Variants in TMTC2 observed in about 807,000 individuals in gnomAD.
TMTC2 encodes the protein protein O-mannosyl-transferase TMTC2.
TMTC2 carries 43 observed loss-of-function variants against 82.4 expected under a neutral mutation model. The ratio of observed to expected loss-of-function variants is 0.52; its 90% CI spans 0.41 to 0.67. The LOEUF (loss-of-function observed/expected upper bound fraction) is 0.67, where lower values mean the gene tolerates loss of function less well. Among genes scored for constraint, TMTC2 ranks in the 30% least tolerant of loss-of-function variants. The pLI, the probability that TMTC2 is intolerant of heterozygous loss-of-function variation, is 0.00. For synonymous variants in TMTC2, 408 were observed against 381.9 expected (o/e 1.07, Z -0.80); for missense variants, 919 against 1,012.4 (o/e 0.91, Z 1.25).
intron 7 of TMTC2, among the ~76,000 whole-genome samples, chr12:82,982,843 G>C (rs1019644222): frequency 1.3e-5 from 2 of 151,984 alleles, no homozygotes; most frequent in African/African-American, 4.8e-5. Flanking sequence ...GTAGCCCTGA[G>C]TTTAAATTGC....
chr12:82,722,722 A>G (rs1010453057), intron 1 of TMTC2, among the ~76,000 whole-genome samples: 3 of 152,148 alleles, frequency 2.0e-5, no homozygotes, highest in Admixed American at 6.5e-5. Flanking sequence ...GGCCTGGGCA[A>G]TGAAGCAAGA....
intron 7 of TMTC2, among the ~76,000 whole-genome samples, chr12:82,971,082 A>C (rs1374550759): frequency 1.3e-5 from 2 of 152,154 alleles, no homozygotes. Flanking sequence ...GAATCATAGA[A>C]TGTTAAAGAT....
chr12:82,708,067 C>T (rs1480429332), intron 1 of TMTC2, among the ~76,000 whole-genome samples: 2 of 152,086 alleles, frequency 1.3e-5, no homozygotes, highest in African/African-American at 4.8e-5. Context: ...TTAAACCAGC[C>T]ACGCCCATTC....
intron 1 of TMTC2, among the ~76,000 whole-genome samples, chr12:82,712,415 G>A (rs1265245321): frequency 8.5e-6 from 1 of 117,302 alleles, no homozygotes; most frequent in Non-Finnish European, 1.7e-5. Context: ...GGGCAGAAGA[G>A]TGAAACTCCG....
intron 1 of TMTC2, among the ~76,000 whole-genome samples, chr12:82,826,099 ATATT>A (rs1221942735): frequency 2.0e-5 from 3 of 152,240 alleles, no homozygotes; most frequent in African/African-American, 7.2e-5. Flanking sequence ...TTAAAAAAGA[ATATT>A]TAAGTAAACT....
At chr12:82,926,126 G>A (rs761209651) in intron 3 of TMTC2, among the ~76,000 whole-genome samples, 4 of 151,918 alleles carry the variant, frequency 2.6e-5, no homozygotes, top group African/African-American at 7.3e-5. Context: ...GACTACAGGC[G>A]TGTGCCAACA....
At chr12:82,938,683 C>T (rs1200462538) in intron 4 of TMTC2, among the ~76,000 whole-genome samples, 1 of 152,148 alleles carries the variant, frequency 6.6e-6, no homozygotes, top group African/African-American at 2.4e-5. Flanking sequence ...GGGCAGCTTG[C>T]AGGTACCTGT....
intron 1 of TMTC2, among the ~76,000 whole-genome samples, chr12:82,748,934 C>G (rs980432686): frequency 3.3e-5 from 5 of 152,192 alleles, no homozygotes; most frequent in Admixed American, 1.3e-4. Flanking sequence ...GTATGTGTAT[C>G]TCTATATATA....
chr12:83,060,786 A>G (rs1430354518), intron 10 of TMTC2, among the ~76,000 whole-genome samples: 1 of 151,762 alleles, frequency 6.6e-6, no homozygotes, highest in Non-Finnish European at 1.5e-5. Flanking sequence ...GACTGGCTGG[A>G]CTTCCTTAGA....
intron 11 of TMTC2, among the ~76,000 whole-genome samples, chr12:83,077,929 C>T (rs1883343138): frequency 7.3e-6 from 1 of 136,774 alleles, no homozygotes; most frequent in African/African-American, 2.8e-5. Context: ...GCCAAAGAAC[C>T]TAAGATGGGT....
intron 1 of TMTC2, among the ~76,000 whole-genome samples, chr12:82,706,657 A>G (rs1317980896): frequency 6.6e-6 from 1 of 152,214 alleles, no homozygotes. Flanking sequence ...AAAGTTAAGA[A>G]CAAAGATGAA....
intron 8 of TMTC2, among the ~76,000 whole-genome samples, chr12:83,002,469 C>G (rs546358795): frequency 2.0e-5 from 3 of 152,044 alleles, no homozygotes; most frequent in Non-Finnish European, 4.4e-5. Flanking sequence ...TTGGTTTCTT[C>G]CTTCTTTTCC....
intron 1 of TMTC2, among the ~76,000 whole-genome samples, chr12:82,802,598 CT>C (rs1357258600): frequency 6.6e-6 from 1 of 152,096 alleles, no homozygotes; most frequent in East Asian, 1.9e-4. Context: ...TTCAAGAAAA[CT>C]TTTTTAGTTT....
At chr12:82,862,304 A>G (rs538826029) in intron 2 of TMTC2, among the ~76,000 whole-genome samples, 2 of 152,194 alleles carry the variant, frequency 1.3e-5, no homozygotes, top group Non-Finnish European at 2.9e-5. Context: ...AACGTCAGTC[A>G]TTGCTTGCCT....
intron 1 of TMTC2, among the ~76,000 whole-genome samples, chr12:82,727,006 C>T (rs921551050): frequency 2.0e-5 from 3 of 150,340 alleles, no homozygotes; most frequent in African/African-American, 7.3e-5. Context: ...CCTTTTCTTT[C>T]CTGAGCCACA....
intron 1 of TMTC2, among the ~76,000 whole-genome samples, chr12:82,785,188 A>G (rs1878118604): frequency 6.6e-6 from 1 of 152,110 alleles, no homozygotes; most frequent in African/African-American, 2.4e-5. Flanking sequence ...CTTGAGCACT[A>G]AAACATTAGA....
At chr12:82,730,036 T>C (rs1468808335) in intron 1 of TMTC2, among the ~76,000 whole-genome samples, 5 of 151,862 alleles carry the variant, frequency 3.3e-5, no homozygotes, top group African/African-American at 1.2e-4. Flanking sequence ...TCCGAACATA[T>C]CTGAACATCA....
chr12:82,761,416 G>A (rs1015435834), intron 1 of TMTC2, among the ~76,000 whole-genome samples: 5 of 152,184 alleles, frequency 3.3e-5, no homozygotes, highest in African/African-American at 9.7e-5. Flanking sequence ...CAGTTGGGAT[G>A]GAGATGGCTC....
chr12:83,083,175 C>T (rs1394167229), intron 11 of TMTC2, among the ~76,000 whole-genome samples: 1 of 152,186 alleles, frequency 6.6e-6, no homozygotes, highest in Non-Finnish European at 1.5e-5. Flanking sequence ...ATTTACATTA[C>T]AGGAATTTGT....
Sources: gnomAD v4.1 joint callset for allele counts (sites outside exome capture counted in the v4.1 genomes callset) on GRCh38, gnomAD v4.1.1 for gene constraint, MANE v1.5 for transcripts, NCBI Gene and HGNC (gene_info 2026-07-23, HGNC 2026-07-21) for gene names.